NBEA: variants seen among roughly 807,000 people sequenced by gnomAD.
The protein encoded by NBEA is lysosomal-trafficking regulator 2.
A neutral mutation model predicts 343.4 loss-of-function variants in NBEA; 44 were observed. The ratio of observed to expected loss-of-function variants is 0.13; its 90% CI spans 0.10 to 0.16. The LOEUF (loss-of-function observed/expected upper bound fraction) is 0.16. NBEA is among the 10% of genes least tolerant of loss of function. The probability of loss-of-function intolerance (pLI) is 1.00; values close to 1 mark genes in which losing one functional copy is unlikely to be tolerated. For missense variants in NBEA, 2,555 were observed against 3,631.3 expected (o/e 0.70, Z 7.62); for synonymous variants, 1,175 against 1,238.7 (o/e 0.95, Z 1.08).
At chr13:35,656,820 A>G (rs2084832992) in intron 55 of NBEA, among the ~76,000 whole-genome samples, 1 of 152,238 alleles carries the variant, frequency 6.6e-6, no homozygotes, top group Admixed American at 6.5e-5. Flanking sequence ...AAACTGAAAC[A>G]TGAATTTGGG....
intron 33 of NBEA, among the ~76,000 whole-genome samples, chr13:35,221,150 C>A (rs894942551): frequency 2.0e-5 from 3 of 152,030 alleles, no homozygotes; most frequent in African/African-American, 7.2e-5. Flanking sequence ...TCGAGACCAG[C>A]CTGACCTTCA....
At chr13:34,993,098 G>A (rs1489984273) in intron 1 of NBEA, among the ~76,000 whole-genome samples, 1 of 152,030 alleles carries the variant, frequency 6.6e-6, no homozygotes, top group Non-Finnish European at 1.5e-5. Context: ...TATCTATACT[G>A]CAAACACACT....
chr13:35,593,212 A>G (rs2081614340), intron 46 of NBEA, 116 bp from the exon 47 acceptor site: 2 of 1,180,996 alleles, frequency 1.7e-6, no homozygotes, highest in Middle Eastern at 2.0e-4. Flanking sequence ...GCATCTTTCT[A>G]GGACCCTGAT....
chr13:35,103,093 A>G (rs1794754569), intron 11 of NBEA, among the ~76,000 whole-genome samples: 3 of 151,792 alleles, frequency 2.0e-5, no homozygotes. Context: ...AGGATTTTAT[A>G]TAACATCTTT....
chr13:35,131,612 C>T (rs2152685806), intron 17 of NBEA, among the ~76,000 whole-genome samples: 1 of 152,178 alleles, frequency 6.6e-6, no homozygotes, highest in East Asian at 1.9e-4. Context: ...TAGAAGCATC[C>T]CCTTTGAAAA....
chr13:35,404,720 T>A (rs1433801600), intron 38 of NBEA, among the ~76,000 whole-genome samples: 5 of 151,500 alleles, frequency 3.3e-5, no homozygotes, highest in East Asian at 3.9e-4. Flanking sequence ...AACCTGCACA[T>A]TGTGCACATG....
intron 25 of NBEA, among the ~76,000 whole-genome samples, chr13:35,169,713 C>T (rs1365459082): frequency 6.6e-6 from 1 of 151,558 alleles, no homozygotes; most frequent in African/African-American, 2.4e-5. Flanking sequence ...AAGAAATGGC[C>T]AAGTTCTTCA....
intron 1 of NBEA, among the ~76,000 whole-genome samples, chr13:34,962,865 T>C (rs1335183153): frequency 2.0e-5 from 3 of 152,036 alleles, no homozygotes; most frequent in Admixed American, 6.6e-5. Flanking sequence ...GGTATTTAGA[T>C]TGCTACTTTG....
intron 17 of NBEA, among the ~76,000 whole-genome samples, chr13:35,124,515 C>G (rs2066977888): frequency 6.7e-6 from 1 of 149,724 alleles, no homozygotes; most frequent in South Asian, 2.1e-4. Context: ...CACACACACA[C>G]ACACGGATAT....
intron 44 of NBEA, among the ~76,000 whole-genome samples, chr13:35,558,411 G>A (rs1344804960): frequency 6.6e-6 from 1 of 152,054 alleles, no homozygotes; most frequent in Non-Finnish European, 1.5e-5. Flanking sequence ...ATTTAAATTG[G>A]GAATTGAAAT....
chr13:35,422,268 AG>A lies in NBEA; in HGVS notation c.6180-9999del, dbSNP rs1157822607. ...ACCCATTAACTCGTCATTTAGCATC[AG>A]GTATACCTCCTAATGCTATCCTTCC... On this transcript the variant is annotated intron_variant, in intron 38 of 58. Coordinates refer to ENST00000379939, the MANE Select transcript of NBEA (RefSeq NM_001385012.1). Among the ~76,000 whole-genome samples the A allele has an allele frequency of 2.6e-5, 4 of 151,142 alleles. No homozygotes were observed. The East Asian group carries it at 7.8e-4, about 29-fold the overall frequency.
chr13:35,205,541 C>G (rs1242250443), intron 31 of NBEA, among the ~76,000 whole-genome samples: 1 of 151,942 alleles, frequency 6.6e-6, no homozygotes, highest in Non-Finnish European at 1.5e-5. Flanking sequence ...ACTTGTTTTC[C>G]AGATCAACTG....
intron 32 of NBEA, 54 bp downstream of exon 32, chr13:35,208,908 T>C: frequency 1.6e-6 from 2 of 1,273,216 alleles, no homozygotes; most frequent in Non-Finnish European, 2.1e-6. Context: ...TTCTGTATCA[T>C]TTTTCTGCTT....
At position 34,942,676 on chromosome 13, in the gene NBEA, G is replaced by T. The variant is rs2059065113; in HGVS notation, c.-145G>T. 2.0e-6 allele frequency: 1 copy of T among 495,882 alleles called. No individual in the cohort carries two copies. Among genetic ancestry groups the T allele is most frequent in the Non-Finnish European group, 3.1e-6 (1 of 324,030 alleles). 30.7% of individuals were successfully genotyped at this position (495,882 alleles called of 1,614,324 possible). On this transcript the variant is annotated 5_prime_UTR_variant, in exon 1 of 59. Coordinates refer to ENST00000379939, the MANE Select transcript of NBEA (RefSeq NM_001385012.1). ...GCGCCGGAGCGGGCCGGGCTGAGGC[G>T]CAGGCGGGGAGCGGGCCCGGCGCCG...
chr13:35,081,173 A>C (rs2064374396), intron 10 of NBEA, among the ~76,000 whole-genome samples: 1 of 152,158 alleles, frequency 6.6e-6, no homozygotes, highest in African/African-American at 2.4e-5. Flanking sequence ...GAATAGCAGG[A>C]GTCCTATTTT....
intron 30 of NBEA, among the ~76,000 whole-genome samples, chr13:35,193,095 T>C (rs183310360): frequency 8.5e-5 from 13 of 152,086 alleles, no homozygotes. Context: ...TGTTTCTGCA[T>C]TTACATTTTC....
intron 18 of NBEA, among the ~76,000 whole-genome samples, chr13:35,147,855 G>C (rs1286949750): frequency 6.6e-6 from 1 of 152,110 alleles, no homozygotes; most frequent in African/African-American, 2.4e-5. Context: ...AGCTATGAAG[G>C]CCTGTACATA....
chr13:35,009,543 A>C (rs930407265), intron 1 of NBEA, among the ~76,000 whole-genome samples: 2 of 152,190 alleles, frequency 1.3e-5, no homozygotes, highest in African/African-American at 4.8e-5. Context: ...TGGCTGGAGC[A>C]GAAATGAGGT....
intron 12 of NBEA, 67 bp downstream of exon 12, chr13:35,109,509 A>G (rs2066079587): frequency 7.4e-7 from 1 of 1,350,344 alleles, no homozygotes; most frequent in Non-Finnish European, 9.8e-7. Context: ...CTGGATCTAT[A>G]GTATTCAGTG....
Sources: allele counts gnomAD v4.1 joint callset (sites outside exome capture counted in the v4.1 genomes callset), GRCh38; gene constraint gnomAD v4.1.1; transcripts MANE v1.5; gene names NCBI Gene and HGNC (gene_info 2026-07-23, HGNC 2026-07-21).